The following RPS6KC1 variants were observed in gnomAD, a reference collection of about 807,000 sequenced individuals.
The protein encoded by RPS6KC1 is inactive ribosomal protein S6 kinase delta-1.
A neutral mutation model predicts 103.8 loss-of-function variants in RPS6KC1; 54 were observed. The ratio of observed to expected loss-of-function variants is 0.52; its 90% CI spans 0.42 to 0.65. The LOEUF (loss-of-function observed/expected upper bound fraction) is 0.65. Ranked by LOEUF, RPS6KC1 falls within the 30% of genes least tolerant of loss-of-function variation. The probability of loss-of-function intolerance (pLI) is 0.00; values close to 1 mark genes in which losing one functional copy is unlikely to be tolerated. For missense variants in RPS6KC1, 1,151 were observed against 1,253.8 expected (o/e 0.92, Z 1.24); for synonymous variants, 439 against 438.7 (o/e 1.00, Z -0.01).
At chr1:213,255,067 A>G (rs2094611347) in intron 12 of RPS6KC1, among the ~76,000 whole-genome samples, 2 of 152,200 alleles carry the variant, frequency 1.3e-5, no homozygotes, top group South Asian at 2.1e-4. Flanking sequence ...TTGTGAGACC[A>G]AGGCAGGAGA....
the RPS6KC1 span, among the ~76,000 whole-genome samples, chr1:213,701,813 T>A: frequency 6.6e-6 from 1 of 152,040 alleles, no homozygotes; most frequent in East Asian, 1.9e-4. Flanking sequence ...TTTTTTTTCT[T>A]GGTAAGTCTG....
intron 3 of RPS6KC1, among the ~76,000 whole-genome samples, chr1:213,089,174 A>G (rs1336073857): frequency 6.6e-6 from 1 of 152,236 alleles, no homozygotes; most frequent in African/African-American, 2.4e-5. Flanking sequence ...GTCAATAGCA[A>G]TAGAACCATT....
the RPS6KC1 span, among the ~76,000 whole-genome samples, chr1:213,307,301 T>G: frequency 1.3e-5 from 2 of 152,116 alleles, no homozygotes; most frequent in African/African-American, 4.8e-5. Flanking sequence ...TCCGCCCGCC[T>G]CGGCCTCCCA....
At chr1:213,170,694 T>G (rs972354365) in intron 7 of RPS6KC1, among the ~76,000 whole-genome samples, 4 of 152,266 alleles carry the variant, frequency 2.6e-5, no homozygotes. Context: ...GGTAAACATT[T>G]GCTTTTTAAA....
At chr1:213,153,222 A>G (rs2089447570) in intron 6 of RPS6KC1, among the ~76,000 whole-genome samples, 1 of 149,914 alleles carries the variant, frequency 6.7e-6, no homozygotes, top group East Asian at 2.0e-4. Flanking sequence ...GACCGTGGAA[A>G]GAGAGGGAGA....
At chr1:213,323,853 C>G in the RPS6KC1 span, among the ~76,000 whole-genome samples, 1 of 152,130 alleles carries the variant, frequency 6.6e-6, no homozygotes, top group Non-Finnish European at 1.5e-5. Flanking sequence ...AATCAATGAA[C>G]CTACATCGAC....
chr1:213,199,974 A>G lies in RPS6KC1; in HGVS notation c.1044+23482A>G, dbSNP rs114030621. 3.1e-3 allele frequency among the ~76,000 whole-genome samples: 473 copies of G among 152,338 alleles called. 2 individuals carry two copies. The highest frequency in any genetic ancestry group is 9.9e-3 in the African/African-American group (412 of 41,572). ...AAGGAGAACTGTAAGCCATTGCTCA[A>G]ATAAATCAGAGGTGATGCAAACAAA... is the stretch of plus-strand genomic sequence containing the variant. On this transcript the variant is annotated intron_variant, in intron 8 of 14. Coordinates refer to ENST00000366960, the MANE Select transcript of RPS6KC1 (RefSeq NM_012424.6).
chr1:213,163,614 C>T (rs1032946262), intron 6 of RPS6KC1, among the ~76,000 whole-genome samples: 5 of 151,354 alleles, frequency 3.3e-5, no homozygotes, highest in South Asian at 4.2e-4. Context: ...TTGAAAGAAC[C>T]GTTTTTTATT....
chr1:213,640,815 T>G, the RPS6KC1 span, among the ~76,000 whole-genome samples: 1 of 152,050 alleles, frequency 6.6e-6, no homozygotes, highest in African/African-American at 2.4e-5. Context: ...ATATGGTTTC[T>G]CTTGGTGAAT....
chr1:213,782,086 G>A, the RPS6KC1 span, among the ~76,000 whole-genome samples: 2 of 152,096 alleles, frequency 1.3e-5, no homozygotes, highest in African/African-American at 2.4e-5. Context: ...GGTGAGACTC[G>A]AGTTCAGTGG....
chr1:213,527,536 A>G, the RPS6KC1 span, among the ~76,000 whole-genome samples: 25 of 152,230 alleles, frequency 1.6e-4, no homozygotes, highest in Admixed American at 3.3e-4. Context: ...GGTGGGTAGC[A>G]TCATACTAAG....
At chr1:213,283,346 A>G in the RPS6KC1 span, among the ~76,000 whole-genome samples, 1 of 152,216 alleles carries the variant, frequency 6.6e-6, no homozygotes, top group Admixed American at 6.5e-5. Context: ...CATGCAGAGC[A>G]ACTGGATAGC....
chr1:213,349,534 GGC>G, the RPS6KC1 span, among the ~76,000 whole-genome samples: 7 of 152,286 alleles, frequency 4.6e-5, no homozygotes, highest in Admixed American at 2.6e-4. Context: ...AGTTACAACA[GGC>G]AGAACTCAGG....
At chr1:213,087,800 C>T (rs183435351) in intron 3 of RPS6KC1, among the ~76,000 whole-genome samples, 182 of 152,220 alleles carry the variant, frequency 1.2e-3, no homozygotes, top group African/African-American at 3.2e-3. Flanking sequence ...TCTGTGTACC[C>T]GGAATTTGTC....
chr1:213,619,299 T>C, the RPS6KC1 span, among the ~76,000 whole-genome samples: 1 of 152,188 alleles, frequency 6.6e-6, no homozygotes, highest in East Asian at 1.9e-4. Flanking sequence ...CTCATGTGCA[T>C]CTCTTTTTAA....
chr1:213,509,631 A>G, the RPS6KC1 span, among the ~76,000 whole-genome samples: 1 of 152,210 alleles, frequency 6.6e-6, no homozygotes, highest in Non-Finnish European at 1.5e-5. Flanking sequence ...CTCAGTCAAC[A>G]GAGTCAAATA....
chr1:213,184,713 G>A (rs2092446409), intron 8 of RPS6KC1, among the ~76,000 whole-genome samples: 3 of 152,074 alleles, frequency 2.0e-5, no homozygotes, highest in Admixed American at 2.0e-4. Flanking sequence ...TTTGTTTCGA[G>A]AAGTTTTTTA....
chr1:213,377,570 CA>C, the RPS6KC1 span, among the ~76,000 whole-genome samples: 13 of 152,302 alleles, frequency 8.5e-5, no homozygotes, highest in East Asian at 2.1e-3. Context: ...GGAGTGGCTC[CA>C]ACTGATGTTT....
At chr1:213,214,897 C>G (rs1018496083) in intron 8 of RPS6KC1, among the ~76,000 whole-genome samples, 5 of 151,962 alleles carry the variant, frequency 3.3e-5, no homozygotes, top group Admixed American at 2.6e-4. Context: ...CATCACAGAC[C>G]AAAGGTAGAT....
Sources: gnomAD v4.1 joint callset for allele counts (sites outside exome capture counted in the v4.1 genomes callset) on GRCh38, gnomAD v4.1.1 for gene constraint, MANE v1.5 for transcripts, NCBI Gene and HGNC (gene_info 2026-07-23, HGNC 2026-07-21) for gene names.